DUSP8: variants seen among roughly 807,000 people sequenced by gnomAD.
DUSP8 encodes dual specificity phosphatase 8.
A neutral mutation model predicts 38.7 loss-of-function variants in DUSP8; 15 were observed. The ratio of observed to expected loss-of-function variants is 0.39; its 90% CI spans 0.26 to 0.60. DUSP8 has a LOEUF of 0.60. Among genes scored for constraint, DUSP8 ranks in the 20% least tolerant of loss-of-function variants. The pLI, the probability that DUSP8 is intolerant of heterozygous loss-of-function variation, is 0.56. For synonymous variants in DUSP8, 458 were observed against 433.9 expected, an observed-to-expected ratio of 1.06 and a Z score of -0.69; for missense variants, 768 against 915.0, an observed-to-expected ratio of 0.84 and a Z score of 2.07.
intron 3 of DUSP8, among the ~76,000 whole-genome samples, chr11:1,562,791 CCT>C (rs1848743205): frequency 6.6e-6 from 1 of 152,148 alleles, no homozygotes. Context: ...GCACAGACAC[CCT>C]CTGACCATGG....
chr11:1,568,902 G>C (rs958936490), intron 1 of DUSP8, among the ~76,000 whole-genome samples: 3 of 152,326 alleles, frequency 2.0e-5, no homozygotes, highest in African/African-American at 4.8e-5. Context: ...CAGCTCCCAG[G>C]GGGACATGTT....
chr11:1,571,052 T>G (rs1848883087), intron 1 of DUSP8, among the ~76,000 whole-genome samples: 1 of 144,184 alleles, frequency 6.9e-6, no homozygotes, highest in South Asian at 2.2e-4. Flanking sequence ...CCAGAGCCCC[T>G]ATTCCCCTCA....
In DUSP8 at chr11:1,556,762, G is replaced by T; in HGVS notation, c.1634C>A (p.Ala545Glu). ...GGVLFAPFGR[A>E]GAPGPGGGSD... ...GCCGCCGCCTGGTCCCGGGGCGCCC[G>T]CCCGGCCGAAGGGCGCAAACAGCAC... is the stretch of plus-strand genomic sequence containing the variant. The change falls in exon 7 of 7, where the codon GCG (alanine) becomes GAG (glutamate). Residue 545 changes from alanine (A) to glutamate (E), a missense_variant. By Grantham distance (107) the Ala-to-Glu change is moderately radical. Transcript: ENST00000397374. The surrounding 1 kb of genome is among the most constrained non-coding windows in gnomAD (Gnocchi z 5.2). The T allele has an allele frequency of 3.3e-6, 4 of 1,198,708 alleles. No individual in the cohort carries two copies. The highest frequency in any genetic ancestry group is 4.1e-6 in the Non-Finnish European group (4 of 967,022). The allele number at this position is 1,198,708 out of a possible 1,614,324, so 74.3% of individuals were successfully genotyped here.
intron 3 of DUSP8, among the ~76,000 whole-genome samples, chr11:1,563,617 C>T (rs1196622904): frequency 6.6e-6 from 1 of 152,150 alleles, no homozygotes; most frequent in Non-Finnish European, 1.5e-5. Context: ...CATGCCTTGC[C>T]CTACACCTCT....
rs927996354 is a variant in DUSP8 at position 1,554,903 on chromosome 11, G to A, written c.*1615C>T. 6 of 981,816 alleles carry A rather than the reference G, an allele frequency of 6.1e-6. No individual in the cohort carries two copies. Among genetic ancestry groups the A allele is most frequent in the Middle Eastern group, 5.1e-4 (1 of 1,968 alleles). The allele number at this position is 981,816 out of a possible 1,614,324, so 60.8% of individuals were successfully genotyped here. On this transcript the variant is annotated 3_prime_UTR_variant, in exon 7 of 7. Transcript: ENST00000397374. ...GGAACAGGAGTGGGTGGGGACAGAG[G>A]GAACGGGAACAGGACTTTTGCTGAA...
Position 1,556,890 on chromosome 11 carries a change from C to A in DUSP8, c.1506G>T (p.Pro502=). Reference sequence around the variant, plus strand: ...GCGGTGCCCAGGCCCCGGGGCCGGCCGGCTGGCCAGGGCCGGGCAGCCCGG... The same window carrying A: ...GCGGTGCCCAGGCCCCGGGGCCGGCAGGCTGGCCAGGGCCGGGCAGCCCGG... ...SAPGLPGPGQ[P]AGPGAWAPPL... Residue 502 remains proline, a synonymous_variant, in exon 7 of 7, where the codon CCG becomes CCT. Coordinates refer to ENST00000397374, the MANE Select transcript of DUSP8 (RefSeq NM_004420.3). This position sits in a 1 kb window ranked among gnomAD's most constrained non-coding sequence, Gnocchi z 5.2. The A allele has an allele frequency of 9.1e-7, 1 of 1,096,956 alleles. No homozygotes were observed. The highest frequency in any genetic ancestry group is 4.3e-5 in the South Asian group (1 of 23,412). 68.0% of individuals were successfully genotyped at this position (1,096,956 alleles called of 1,614,324 possible).
chr11:1,561,444 C>T (rs1848715436), intron 3 of DUSP8, among the ~76,000 whole-genome samples: 1 of 152,224 alleles, frequency 6.6e-6, no homozygotes, highest in African/African-American at 2.4e-5. Flanking sequence ...GGGCCGCCAC[C>T]CCACCCACTT....
In DUSP8 at chr11:1,555,508, G is replaced by C; in HGVS notation, c.*1010C>G. On this transcript the variant is annotated 3_prime_UTR_variant, in exon 7 of 7. Coordinates refer to ENST00000397374, the MANE Select transcript of DUSP8 (RefSeq NM_004420.3). ...CTGGGAGGGGGGCGGGGCAGACCTGGAACAGAACCCTAAGACCACCCCCTC... is the reference window on the plus strand; with the variant it reads ...CTGGGAGGGGGGCGGGGCAGACCTGCAACAGAACCCTAAGACCACCCCCTC... The C allele has an allele frequency of 2.0e-6, 2 of 976,836 alleles. No homozygotes were observed. The highest frequency in any genetic ancestry group is 1.2e-6 in the Non-Finnish European group (1 of 821,802). The allele number at this position is 976,836 out of a possible 1,614,324, so 60.5% of individuals were successfully genotyped here.
chr11:1,555,297 A>G lies in DUSP8; in HGVS notation c.*1221T>C. 1 of 987,818 alleles carries G rather than the reference A, an allele frequency of 1.0e-6. No homozygotes were observed. Among genetic ancestry groups the G allele is most frequent in the African/African-American group, 1.7e-5 (1 of 57,416 alleles). 61.2% of individuals were successfully genotyped at this position (987,818 alleles called of 1,614,324 possible). On this transcript the variant is annotated 3_prime_UTR_variant, in exon 7 of 7. Transcript: ENST00000397374. ...GGGAGTTTCTCTCCTGAGCGGCCCC[A>G]TGGGGGTGGGGGCAAACGAGGGGGC...
At chr11:1,563,089 C>T (rs1848747424) in intron 3 of DUSP8, among the ~76,000 whole-genome samples, 1 of 152,110 alleles carries the variant, frequency 6.6e-6, no homozygotes, top group Non-Finnish European at 1.5e-5. Flanking sequence ...ACCCCACAGT[C>T]CCCCATATCC....
At position 1,557,421 on chromosome 11, in the gene DUSP8, G is replaced by A. The variant is rs750180238; in HGVS notation, c.975C>T (p.Ala325=). The A allele has an allele frequency of 3.1e-5, 48 of 1,563,980 alleles. No individual in the cohort carries two copies. The highest frequency in any genetic ancestry group is 4.6e-4 in the Middle Eastern group (2 of 4,340). The part of the protein sequence containing the change: ...GTPEPPPSPA[A]GAPLPRLPPP... ...GTGGCAGCCGTGGCAGCGGGGCCCC[G>A]GCGGCAGGACTGGGCGGAGGCTCCG... The change falls in exon 7 of 7, where the codon GCC becomes GCT. Residue 325 remains alanine (A), a synonymous_variant. Coordinates refer to ENST00000397374, the MANE Select transcript of DUSP8 (RefSeq NM_004420.3). This position sits in a 1 kb window ranked among gnomAD's most constrained non-coding sequence, Gnocchi z 9.9.
rs1432372893 is a variant in DUSP8 at position 1,556,865 on chromosome 11, G to A, written c.1531C>T (p.Pro511Ser). The A allele has an allele frequency of 1.1e-4, 123 of 1,124,416 alleles. 1 individual carries two copies. In the African/African-American group the frequency reaches 1.9e-3, roughly 17 times the overall value. 69.7% of individuals were successfully genotyped at this position (1,124,416 alleles called of 1,614,324 possible). The change falls in exon 7 of 7, where the codon CCG becomes TCG. Residue 511 changes from proline to serine, a missense_variant. Pro to Ser is a moderately conservative substitution (Grantham distance 74). Coordinates refer to ENST00000397374, the MANE Select transcript of DUSP8 (RefSeq NM_004420.3). The surrounding 1 kb of genome is among the most constrained non-coding windows in gnomAD (Gnocchi z 5.2). ...GACGGCGTGCCTGGGGAGTCGAGCGGCGGTGCCCAGGCCCCGGGGCCGGCC... is the reference window on the plus strand; with the variant it reads ...GACGGCGTGCCTGGGGAGTCGAGCGACGGTGCCCAGGCCCCGGGGCCGGCC... ...QPAGPGAWAP[P>S]LDSPGTPSPD...
At position 1,557,420 on chromosome 11, in the gene DUSP8, C is replaced by G. The variant is rs767368858; in HGVS notation, c.976G>C (p.Gly326Arg). ...GGTGGCAGCCGTGGCAGCGGGGCCC[C>G]GGCGGCAGGACTGGGCGGAGGCTCC... ...TPEPPPSPAA[G>R]APLPRLPPPT... Residue 326 changes from glycine (G) to arginine (R), a missense_variant, in exon 7 of 7, where the codon GGG becomes CGG. Gly to Arg is a moderately radical substitution (Grantham distance 125). This residue lies in a region of DUSP8 where 474 missense variants were observed against 430.8 expected (regional missense o/e 1.10). Transcript: ENST00000397374. This position sits in a 1 kb window ranked among gnomAD's most constrained non-coding sequence, Gnocchi z 9.9. 4 of 1,563,868 alleles carry G rather than the reference C, an allele frequency of 2.6e-6. No homozygotes were observed. The highest frequency in any genetic ancestry group is 3.4e-6 in the Non-Finnish European group (4 of 1,167,260).
At chr11:1,572,534 G>A (rs1848924188), upstream of DUSP8, among the ~76,000 whole-genome samples, 2 of 151,166 alleles carry the variant, frequency 1.3e-5, no homozygotes, top group Non-Finnish European at 1.5e-5. This position sits in a 1 kb window ranked among gnomAD's most constrained non-coding sequence, Gnocchi z 4.7. Flanking sequence ...CCGGGACCCC[G>A]CCTCCAGGAA....
At position 1,565,855 on chromosome 11, in the gene DUSP8, A is replaced by C. The variant is rs746584607; in HGVS notation, c.-29T>G. The C allele has an allele frequency of 3.9e-5, 62 of 1,576,336 alleles. No homozygotes were observed. Among genetic ancestry groups the C allele is most frequent in the Non-Finnish European group, 4.8e-5 (55 of 1,150,666 alleles). On this transcript the variant is annotated 5_prime_UTR_variant, in exon 2 of 7. Transcript: ENST00000397374. The stretch of plus-strand genomic sequence containing the variant: ...GGGGCAATGGGTGCTGGGGAGGGTG[A>C]CCCCTGAAGTGAGGAGGGGCTGCTC...
intron 1 of DUSP8, among the ~76,000 whole-genome samples, chr11:1,569,488 C>T (rs922379863): frequency 5.3e-5 from 8 of 152,114 alleles, no homozygotes; most frequent in Non-Finnish European, 8.8e-5. Flanking sequence ...TGTGCACACG[C>T]GTGGGCTGGA....
Position 1,554,955 on chromosome 11 carries a change from G to C in DUSP8, c.*1563C>G. The stretch of plus-strand genomic sequence containing the variant: ...GGAGGGATGACAGGAACACAGAGCT[G>C]TGGGTGAAAAGAAGAACAAATAGAA... On this transcript the variant is annotated 3_prime_UTR_variant, in exon 7 of 7. Coordinates refer to ENST00000397374, the MANE Select transcript of DUSP8 (RefSeq NM_004420.3). The C allele has an allele frequency of 1.0e-6, 1 of 986,152 alleles. No individual in the cohort carries two copies. The highest frequency in any genetic ancestry group is 1.2e-6 in the Non-Finnish European group (1 of 830,216). The allele number at this position is 986,152 out of a possible 1,614,324, so 61.1% of individuals were successfully genotyped here. A position where few individuals can be genotyped will look rare whatever the true frequency, so the allele number is the denominator to read the frequency against.
chr11:1,572,489 C>T (rs1157552134), upstream of DUSP8, among the ~76,000 whole-genome samples: 2 of 151,460 alleles, frequency 1.3e-5, no homozygotes, highest in Non-Finnish European at 3.0e-5. The surrounding 1 kb of genome is among the most constrained non-coding windows in gnomAD (Gnocchi z 4.7). Flanking sequence ...TCCGCCCTCA[C>T]CCCGGGACCG....
At position 1,556,636 on chromosome 11, in the gene DUSP8, C is replaced by T; in HGVS notation, c.1760G>A (p.Ser587Asn). Residue 587 changes from serine (S) to asparagine (N), a missense_variant, in exon 7 of 7, where the codon AGC (serine) becomes AAC (asparagine). Around this residue, in one of 3 missense-constraint regions of DUSP8, gnomAD observed 42 missense variants for 73.7 expected, o/e 0.57. Coordinates refer to ENST00000397374, the MANE Select transcript of DUSP8 (RefSeq NM_004420.3). The surrounding 1 kb of genome is among the most constrained non-coding windows in gnomAD (Gnocchi z 5.2). ...PAPETQFKRR[S>N]CQMEFEEGMV... ...GCCCTCCTCGAACTCCATCTGGCAG[C>T]TGCGGCGCTTGAACTGCGTCTCCGG... 2.8e-6 allele frequency: 4 copies of T among 1,424,448 alleles called. No individual in the cohort carries two copies. Among genetic ancestry groups the T allele is most frequent in the Non-Finnish European group, 3.7e-6 (4 of 1,086,852 alleles). The allele number at this position is 1,424,448 out of a possible 1,614,324, so 88.2% of individuals were successfully genotyped here.
Sources: gnomAD v4.1 joint callset for allele counts (sites outside exome capture counted in the v4.1 genomes callset) on GRCh38, gnomAD v4.1.1 for gene constraint, gnomAD v4.1.1 regional missense constraint, Gnocchi (gnomAD v3.1) non-coding constraint, MANE v1.5 for transcripts, NCBI Gene and HGNC (gene_info 2026-07-23, HGNC 2026-07-21) for gene names.